MAPK10: variants seen among roughly 807,000 people sequenced by gnomAD.
The protein encoded by MAPK10 is JNK3 alpha protein kinase.
Under a neutral mutation model 59.3 loss-of-function variants are expected in MAPK10, and 25 were observed. The observed-to-expected ratio is 0.42, with a 90% CI of 0.31 to 0.59. The LOEUF (loss-of-function observed/expected upper bound fraction) is 0.59, where lower values mean the gene tolerates loss of function less well. MAPK10 is among the 20% of genes least tolerant of loss of function. The pLI is 0.15. For missense variants in MAPK10, 351 were observed against 568.9 expected, an observed-to-expected ratio of 0.62 and a Z score of 3.90; for synonymous variants, 190 against 200.5, an observed-to-expected ratio of 0.95 and a Z score of 0.44.
chr4:86,346,596 T>A (rs191388418), intron 2 of MAPK10, among the ~76,000 whole-genome samples: 3 of 152,198 alleles, frequency 2.0e-5, no homozygotes, highest in Admixed American at 2.0e-4. Flanking sequence ...CATTCCTTGG[T>A]ATATCCGGGA....
intron 2 of MAPK10, among the ~76,000 whole-genome samples, chr4:86,317,390 G>C (rs557681662): frequency 1.3e-5 from 2 of 152,238 alleles, no homozygotes; most frequent in East Asian, 3.9e-4. Context: ...GCCCACCTCT[G>C]AGGGCCAGAC....
At chr4:86,544,335 T>A (rs1418191790) in intron 1 of MAPK10, among the ~76,000 whole-genome samples, 2 of 152,156 alleles carry the variant, frequency 1.3e-5, no homozygotes, top group Non-Finnish European at 2.9e-5. Flanking sequence ...TGATTTGTGG[T>A]TTCAAAAAAA....
chr4:86,524,158 C>T (rs1564986113), intron 1 of MAPK10, among the ~76,000 whole-genome samples: 1 of 152,164 alleles, frequency 6.6e-6, no homozygotes, highest in African/African-American at 2.4e-5. Context: ...GAGACTGAGG[C>T]TCTCATCATG....
At chr4:86,492,578 G>C (rs553662012) in intron 1 of MAPK10, among the ~76,000 whole-genome samples, 13 of 152,174 alleles carry the variant, frequency 8.5e-5, no homozygotes, top group African/African-American at 2.9e-4. Flanking sequence ...CTTAGTTTTC[G>C]TATTTGTAAA....
intron 8 of MAPK10, chr4:86,099,198 T>G (rs1268061475): frequency 2.6e-5 from 4 of 152,344 alleles, no homozygotes; most frequent in Non-Finnish European, 5.9e-5. Flanking sequence ...AAGTTTATTC[T>G]TGTAAATAAA....
chr4:86,416,612 G>A (rs976447034), intron 1 of MAPK10, among the ~76,000 whole-genome samples: 4 of 152,136 alleles, frequency 2.6e-5, no homozygotes, highest in Non-Finnish European at 4.4e-5. Context: ...GACTGAGTTG[G>A]GGCATATTTT....
chr4:86,376,410 A>C (rs1739819158), intron 1 of MAPK10, among the ~76,000 whole-genome samples: 1 of 152,160 alleles, frequency 6.6e-6, no homozygotes, highest in Admixed American at 6.5e-5. Flanking sequence ...AACCCATAAA[A>C]AGTTTCCTAA....
intron 1 of MAPK10, among the ~76,000 whole-genome samples, chr4:86,522,985 T>A (rs1757228220): frequency 6.6e-6 from 1 of 152,238 alleles, no homozygotes; most frequent in African/African-American, 2.4e-5. Context: ...GTGACAGGGC[T>A]AGAAATACAT....
chr4:86,106,274 G>T (rs2149082457), intron 5 of MAPK10, among the ~76,000 whole-genome samples: 1 of 152,030 alleles, frequency 6.6e-6, no homozygotes, highest in East Asian at 1.9e-4. Context: ...AAGATCCCTG[G>T]TTTATAAAAC....
At chr4:86,372,240 C>G (rs1738877329) in intron 1 of MAPK10, among the ~76,000 whole-genome samples, 1 of 152,130 alleles carries the variant, frequency 6.6e-6, no homozygotes, top group Non-Finnish European at 1.5e-5. Flanking sequence ...CACTCAAGGG[C>G]AGGCACAGTG....
intron 1 of MAPK10, among the ~76,000 whole-genome samples, chr4:86,375,104 T>C (rs1378395257): frequency 6.6e-6 from 1 of 152,110 alleles, no homozygotes; most frequent in Non-Finnish European, 1.5e-5. Context: ...ATCATTACAG[T>C]GATGGGAATA....
chr4:86,490,153 A>T (rs1406354004), intron 1 of MAPK10, among the ~76,000 whole-genome samples: 2 of 151,802 alleles, frequency 1.3e-5, no homozygotes, highest in Non-Finnish European at 3.0e-5. Flanking sequence ...AGGAAATATT[A>T]ATTGAGTAGT....
At chr4:86,145,479 C>T (rs949225082) in intron 4 of MAPK10, among the ~76,000 whole-genome samples, 4 of 151,906 alleles carry the variant, frequency 2.6e-5, no homozygotes, top group African/African-American at 9.7e-5. Flanking sequence ...TAGTATTTCT[C>T]AATGTTTCTG....
intron 2 of MAPK10, among the ~76,000 whole-genome samples, chr4:86,266,143 G>C (rs996175051): frequency 4.6e-5 from 7 of 152,156 alleles, no homozygotes; most frequent in Admixed American, 3.3e-4. Context: ...CTCACTAGGT[G>C]TAAGAAACAA....
At chr4:86,491,541 C>T (rs996106528) in intron 1 of MAPK10, among the ~76,000 whole-genome samples, 3 of 152,162 alleles carry the variant, frequency 2.0e-5, no homozygotes, top group Non-Finnish European at 1.5e-5. Flanking sequence ...TATCTGGTTT[C>T]GCAGGATATT....
intron 2 of MAPK10, among the ~76,000 whole-genome samples, chr4:86,235,582 G>T (rs920396518): frequency 3.3e-5 from 5 of 152,122 alleles, no homozygotes; most frequent in African/African-American, 1.2e-4. Context: ...CATTATAGTA[G>T]AAAGTCGCTC....
At chr4:86,379,970 T>C (rs1461486807) in intron 1 of MAPK10, among the ~76,000 whole-genome samples, 4 of 152,112 alleles carry the variant, frequency 2.6e-5, no homozygotes, top group Admixed American at 2.6e-4. Context: ...GCGCAGTGGC[T>C]CATGCCTGTA....
intron 1 of MAPK10, among the ~76,000 whole-genome samples, chr4:86,564,525 A>G (rs1460930989): frequency 1.3e-5 from 2 of 152,186 alleles, no homozygotes; most frequent in Non-Finnish European, 2.9e-5. Flanking sequence ...CAACCAAAGA[A>G]AGAAGATAAG....
intron 1 of MAPK10, among the ~76,000 whole-genome samples, chr4:86,572,045 T>C (rs981785691): frequency 2.6e-5 from 4 of 152,160 alleles, no homozygotes; most frequent in Admixed American, 6.6e-5. Context: ...AATGTATATA[T>C]GTACATTTAA....
Sources: allele counts gnomAD v4.1 joint callset (sites outside exome capture counted in the v4.1 genomes callset), GRCh38; gene constraint gnomAD v4.1.1; transcripts MANE v1.5; gene names NCBI Gene and HGNC (gene_info 2026-07-23, HGNC 2026-07-21).